The following ENTREP2 variants were observed in gnomAD, a reference collection of about 807,000 sequenced individuals.
ENTREP2 encodes protein ENTREP2.
chr15:29,328,279 G>T, the ENTREP2 span, among the ~76,000 whole-genome samples: 1 of 152,204 alleles, frequency 6.6e-6, no homozygotes, highest in South Asian at 2.1e-4. Context: ...GGGAGAGAGG[G>T]AAGGATTAAA....
At chr15:29,231,027 A>G in the ENTREP2 span, among the ~76,000 whole-genome samples, 1 of 152,188 alleles carries the variant, frequency 6.6e-6, no homozygotes, top group Non-Finnish European at 1.5e-5. Context: ...GGTGGTGGGC[A>G]GTCTCTATTA....
At chr15:29,129,609 A>G in the ENTREP2 span, among the ~76,000 whole-genome samples, 1 of 152,170 alleles carries the variant, frequency 6.6e-6, no homozygotes, top group Non-Finnish European at 1.5e-5. Context: ...CAGCCTTCTG[A>G]GTAGCTGGGA....
the ENTREP2 span, among the ~76,000 whole-genome samples, chr15:29,352,896 C>T: frequency 0.063 from 9,588 of 152,216 alleles, 525 homozygotes; most frequent in African/African-American, 0.14. Context: ...CCTCATCATT[C>T]GACAGCTTTT....
the ENTREP2 span, among the ~76,000 whole-genome samples, chr15:29,586,057 G>A: frequency 2.6e-5 from 4 of 151,920 alleles, no homozygotes; most frequent in Non-Finnish European, 5.9e-5. Context: ...GCCAAAAATG[G>A]TAACAACCTA....
chr15:29,245,801 T>C, the ENTREP2 span, among the ~76,000 whole-genome samples: 5 of 152,170 alleles, frequency 3.3e-5, no homozygotes, highest in Admixed American at 6.5e-5. Flanking sequence ...TTTGTCAGAT[T>C]GGTGAAGACA....
chr15:29,550,898 G>A, the ENTREP2 span, among the ~76,000 whole-genome samples: 2 of 152,126 alleles, frequency 1.3e-5, no homozygotes, highest in Non-Finnish European at 2.9e-5. Context: ...TTAGGAGATT[G>A]AGGTCAAAGA....
At chr15:29,124,759 C>T in the ENTREP2 span, 10 of 1,550,400 alleles carry the variant, frequency 6.4e-6, no homozygotes, top group South Asian at 1.2e-5. Context: ...GAAGAGGCAT[C>T]GCCTTAACCA....
At chr15:29,535,291 G>A in the ENTREP2 span, among the ~76,000 whole-genome samples, 1 of 152,064 alleles carries the variant, frequency 6.6e-6, no homozygotes. Flanking sequence ...AGCTAAAGTT[G>A]AACCTGAGAG....
At chr15:29,463,974 AAGATGCC>A in the ENTREP2 span, among the ~76,000 whole-genome samples, 1 of 152,216 alleles carries the variant, frequency 6.6e-6, no homozygotes, top group South Asian at 2.1e-4. Flanking sequence ...CACATACTGC[AAGATGCC>A]ACTCATATGA....
the ENTREP2 span, among the ~76,000 whole-genome samples, chr15:29,592,867 T>G: frequency 1.3e-5 from 2 of 152,200 alleles, no homozygotes; most frequent in Non-Finnish European, 2.9e-5. Flanking sequence ...TTGCTTCCTC[T>G]CTTGTTATGT....
At chr15:29,448,732 C>G in the ENTREP2 span, among the ~76,000 whole-genome samples, 2 of 152,134 alleles carry the variant, frequency 1.3e-5, no homozygotes, top group East Asian at 1.9e-4. Flanking sequence ...TGATAAATAT[C>G]ACATCACATC....
the ENTREP2 span, among the ~76,000 whole-genome samples, chr15:29,507,767 T>G: frequency 6.6e-6 from 1 of 152,102 alleles, no homozygotes; most frequent in African/African-American, 2.4e-5. Context: ...TAGAGGGAAA[T>G]TTATAGCACT....
the ENTREP2 span, among the ~76,000 whole-genome samples, chr15:29,169,591 T>C: frequency 1.4e-4 from 21 of 152,166 alleles, no homozygotes; most frequent in Non-Finnish European, 2.9e-4. Flanking sequence ...AAAAAACATA[T>C]TATGACCAAA....
At chr15:29,241,409 T>C in the ENTREP2 span, among the ~76,000 whole-genome samples, 1 of 149,614 alleles carries the variant, frequency 6.7e-6, no homozygotes, top group South Asian at 2.2e-4. Context: ...TACATATACA[T>C]GTACATAAAT....
At chr15:29,451,642 G>A in the ENTREP2 span, among the ~76,000 whole-genome samples, 197 of 152,292 alleles carry the variant, frequency 1.3e-3, no homozygotes, top group African/African-American at 4.6e-3. Context: ...CCCACCACGG[G>A]AGGGTCTTCA....
the ENTREP2 span, among the ~76,000 whole-genome samples, chr15:29,515,939 G>A: frequency 1.3e-5 from 2 of 152,014 alleles, no homozygotes; most frequent in Non-Finnish European, 2.9e-5. Flanking sequence ...TTGAAATATG[G>A]CTAGTGCAAC....
the ENTREP2 span, among the ~76,000 whole-genome samples, chr15:29,395,325 AAT>A: frequency 1.3e-5 from 2 of 152,050 alleles, no homozygotes; most frequent in Admixed American, 6.5e-5. Context: ...CAGGTGTGCA[AAT>A]ATGTCTTTGA....
At chr15:29,489,845 C>T in the ENTREP2 span, among the ~76,000 whole-genome samples, 1 of 152,198 alleles carries the variant, frequency 6.6e-6, no homozygotes, top group Non-Finnish European at 1.5e-5. Flanking sequence ...GCAGTTCTTC[C>T]AACTAGGCTG....
chr15:29,565,198 T>G, the ENTREP2 span, among the ~76,000 whole-genome samples: 2 of 152,182 alleles, frequency 1.3e-5, no homozygotes, highest in Non-Finnish European at 2.9e-5. Flanking sequence ...TCTTTCTGCT[T>G]CTATGAAATT....
Sources: gnomAD v4.1 joint callset for allele counts (sites outside exome capture counted in the v4.1 genomes callset) on GRCh38, gnomAD v4.1.1 for gene constraint, MANE v1.5 for transcripts, NCBI Gene and HGNC (gene_info 2026-07-23, HGNC 2026-07-21) for gene names.